Variants in CDPF1 observed in about 807,000 individuals in gnomAD.
The protein encoded by CDPF1 is cysteine-rich DPF motif domain-containing protein 1.
Under a neutral mutation model 8.3 loss-of-function variants are expected in CDPF1, and 8 were observed. That is an observed-to-expected ratio of 0.96 (90% CI 0.57 to 1.74). The LOEUF is 1.74. Among genes scored for constraint, CDPF1 ranks in the 40% most tolerant of loss-of-function variants. CDPF1 has a pLI of 0.00. For missense variants in CDPF1, 151 were observed against 155.3 expected (o/e 0.97, Z 0.15); for synonymous variants, 62 against 62.9 (o/e 0.99, Z 0.07).
rs1367522740 is a variant in CDPF1 at position 46,247,000 on chromosome 22, T to C, written c.225+110A>G. The C allele has an allele frequency of 8.0e-6, 10 of 1,242,530 alleles. No individual in the cohort carries two copies. The East Asian group carries it at 2.3e-4, about 29-fold the overall frequency. The allele number at this position is 1,242,530 out of a possible 1,614,324, so 77.0% of individuals were successfully genotyped here. ...CCTTCATCAGCTGAGGGGCCCCATCTATAATGGGGTGAACCCGCTGCTCCC... is the reference window on the plus strand; with the variant it reads ...CCTTCATCAGCTGAGGGGCCCCATCCATAATGGGGTGAACCCGCTGCTCCC... On this transcript the variant is annotated intron_variant, in intron 3 of 3. Coordinates refer to ENST00000314567, the MANE Select transcript of CDPF1 (RefSeq NM_207327.5). This position sits in a 1 kb window ranked among gnomAD's most constrained non-coding sequence, Gnocchi z 7.1.
chr22:46,244,894 G>A lies in CDPF1; in HGVS notation c.*198C>T, dbSNP rs1055890834. ...TGTGTCTTGTCTGGCATCTGCCTTT[G>A]GACTACCCTCTTGCTACAGCTCCCT... On this transcript the variant is annotated 3_prime_UTR_variant, in exon 4 of 4. Transcript: ENST00000314567. This position sits in a 1 kb window ranked among gnomAD's most constrained non-coding sequence, Gnocchi z 6.7. The A allele has an allele frequency of 1.6e-6, 1 of 639,308 alleles. No individual in the cohort carries two copies. The allele number at this position is 639,308 out of a possible 1,614,324, so 39.6% of individuals were successfully genotyped here.
chr22:46,245,438 C>T lies in CDPF1; in HGVS notation c.226-200G>A, dbSNP rs957811987. 3.9e-5 allele frequency among the ~76,000 whole-genome samples: 6 copies of T among 152,172 alleles called. No individual in the cohort carries two copies. The highest frequency in any genetic ancestry group is 1.2e-4 in the African/African-American group (5 of 41,450). On this transcript the variant is annotated intron_variant, in intron 3 of 3. Transcript: ENST00000314567. The surrounding 1 kb of genome is among the most constrained non-coding windows in gnomAD (Gnocchi z 6.9). ...CAGGGTGTCCAGGAGAAAAGCAATG[C>T]AGGCCTGGGCTACCCTGGGTGGGAA...
In CDPF1 at chr22:46,248,074, C is replaced by T; in HGVS notation, c.113+98G>A. 1 of 769,742 alleles carries T rather than the reference C, an allele frequency of 1.3e-6. No individual in the cohort carries two copies. Among genetic ancestry groups the T allele is most frequent in the Non-Finnish European group, 2.1e-6 (1 of 466,050 alleles). 47.7% of individuals were successfully genotyped at this position (769,742 alleles called of 1,614,324 possible). A position where few individuals can be genotyped will look rare whatever the true frequency, so the allele number is the denominator to read the frequency against. On this transcript the variant is annotated intron_variant, in intron 2 of 3. Transcript: ENST00000314567. The surrounding 1 kb of genome is among the most constrained non-coding windows in gnomAD (Gnocchi z 4.1). The stretch of plus-strand genomic sequence containing the variant: ...AGCCTGGCCAGGGTGGGGTCTAAAG[C>T]TCCACACCTGAGACAGTTGTCAGAC...
rs1434378315 is a variant in CDPF1, at chr22:46,248,945, G to A, written c.1-661C>T. Reference sequence around the variant, plus strand: ...GAGGCAGGAGAATGGCGTGAACCCAGGAGACGGAGCTTGCAGTGAGCCGAG... The same window carrying A: ...GAGGCAGGAGAATGGCGTGAACCCAAGAGACGGAGCTTGCAGTGAGCCGAG... On this transcript the variant is annotated intron_variant, in intron 1 of 3. Coordinates refer to ENST00000314567, the MANE Select transcript of CDPF1 (RefSeq NM_207327.5). The surrounding 1 kb of genome is among the most constrained non-coding windows in gnomAD (Gnocchi z 4.1). Among the ~76,000 whole-genome samples the A allele has an allele frequency of 6.6e-6, 1 of 152,196 alleles. No individual in the cohort carries two copies. The highest frequency in any genetic ancestry group is 1.5e-5 in the Non-Finnish European group (1 of 68,038).
rs774507032 is a variant in CDPF1 at position 46,247,111 on chromosome 22, G to C, written c.224C>G (p.Pro75Arg). 4 of 1,611,422 alleles carry C rather than the reference G, an allele frequency of 2.5e-6. No homozygotes were observed. The East Asian group carries it at 6.7e-5, about 27-fold the overall frequency. Residue 75 changes from proline (P) to arginine (R), a missense_variant and splice_region_variant, in exon 3 of 4, where the codon CCG (proline) becomes CGG (arginine). Transcript: ENST00000314567. This position sits in a 1 kb window ranked among gnomAD's most constrained non-coding sequence, Gnocchi z 4.3. ...CCCCAGCCCACGCTGCTTACCCACC[G>C]GGCCCACACACACCAGCCTGCTGCA... ...SLCSRLVCVG[P>R]ECSLFYSKRF...
At position 46,248,312 on chromosome 22, in the gene CDPF1, TGGGTCACA is replaced by T; in HGVS notation, c.1-36_1-29del. The T allele has an allele frequency of 2.8e-6, 4 of 1,454,226 alleles. No homozygotes were observed. The highest frequency in any genetic ancestry group is 3.8e-6 in the Non-Finnish European group (4 of 1,040,160). The allele number at this position is 1,454,226 out of a possible 1,614,324, so 90.1% of individuals were successfully genotyped here. A position where few individuals can be genotyped will look rare whatever the true frequency, so the allele number is the denominator to read the frequency against. On this transcript the variant is annotated intron_variant, in intron 1 of 3. Coordinates refer to ENST00000314567, the MANE Select transcript of CDPF1 (RefSeq NM_207327.5). The surrounding 1 kb of genome is among the most constrained non-coding windows in gnomAD (Gnocchi z 4.1). ...GCAAGATCAAGAGATGGGGTGTCCCTGGGTCACAGGCTTTCTCAGGAATCCTGCCCCTT... is the reference window on the plus strand; with the variant it reads ...GCAAGATCAAGAGATGGGGTGTCCCTGGCTTTCTCAGGAATCCTGCCCCTT...
Position 46,249,859 on chromosome 22 carries a change from C to T in CDPF1, c.-1+397G>A, listed in dbSNP as rs1365989909. 2.0e-5 allele frequency among the ~76,000 whole-genome samples: 3 copies of T among 152,146 alleles called. No individual in the cohort carries two copies. The highest frequency in any genetic ancestry group is 7.2e-5 in the African/African-American group (3 of 41,440). On this transcript the variant is annotated intron_variant, in intron 1 of 3. Transcript: ENST00000314567. The surrounding 1 kb of genome is among the most constrained non-coding windows in gnomAD (Gnocchi z 4.6). ...GACAGAGCGAGACTCTGTCTCAAAA[C>T]AAAAGTTACGATCGATCGCGGGTGT...
rs1033188860 is a variant in CDPF1 at position 46,245,621 on chromosome 22, C to A, written c.226-383G>T. Reference sequence around the variant, plus strand: ...AACAGTGGCCACCTGGTGCTGGGAGCGGCAGGGGACAGGAAGGACAGCCCC... The same window carrying A: ...AACAGTGGCCACCTGGTGCTGGGAGAGGCAGGGGACAGGAAGGACAGCCCC... On this transcript the variant is annotated intron_variant, in intron 3 of 3. Transcript: ENST00000314567. This position sits in a 1 kb window ranked among gnomAD's most constrained non-coding sequence, Gnocchi z 6.9. 1.3e-5 allele frequency among the ~76,000 whole-genome samples: 2 copies of A among 152,192 alleles called. No individual in the cohort carries two copies. The highest frequency in any genetic ancestry group is 2.9e-5 in the Non-Finnish European group (2 of 68,028).
chr22:46,249,759 G>C lies in CDPF1; in HGVS notation c.-1+497C>G, dbSNP rs1936548272. ...TGAGGTAGGAGAATCGCTTGAGCGG[G>C]GGGTTGGGGAGCGGGGGCTGGGGGG... On this transcript the variant is annotated intron_variant, in intron 1 of 3. Coordinates refer to ENST00000314567, the MANE Select transcript of CDPF1 (RefSeq NM_207327.5). The surrounding 1 kb of genome is among the most constrained non-coding windows in gnomAD (Gnocchi z 4.6). 6.6e-6 allele frequency among the ~76,000 whole-genome samples: 1 copy of C among 151,870 alleles called. No individual in the cohort carries two copies. The highest frequency in any genetic ancestry group is 2.4e-5 in the African/African-American group (1 of 41,378).
rs1315854738 is a variant in CDPF1, at chr22:46,246,777, G to A, written c.225+333C>T. 5 of 1,598,542 alleles carry A rather than the reference G, an allele frequency of 3.1e-6. No homozygotes were observed. The highest frequency in any genetic ancestry group is 4.3e-6 in the Non-Finnish European group (5 of 1,173,180). On this transcript the variant is annotated intron_variant, in intron 3 of 3. Coordinates refer to ENST00000314567, the MANE Select transcript of CDPF1 (RefSeq NM_207327.5). This position sits in a 1 kb window ranked among gnomAD's most constrained non-coding sequence, Gnocchi z 7.1. The stretch of plus-strand genomic sequence containing the variant: ...CATGAAAGGACAGTCCCTTCTCCTG[G>A]AGATCCCTCCAAGAACATCTAGAAA...
Position 46,247,887 on chromosome 22 carries a change from C to A in CDPF1, c.113+285G>T, listed in dbSNP as rs1268325163. ...TTAAGAAAGTGTCATGGCAAGGGTGCAGCCCCAAAGGGGGAGGCCACCACA... is the reference window on the plus strand; with the variant it reads ...TTAAGAAAGTGTCATGGCAAGGGTGAAGCCCCAAAGGGGGAGGCCACCACA... On this transcript the variant is annotated intron_variant, in intron 2 of 3. Coordinates refer to ENST00000314567, the MANE Select transcript of CDPF1 (RefSeq NM_207327.5). The surrounding 1 kb of genome is among the most constrained non-coding windows in gnomAD (Gnocchi z 4.3). Among the ~76,000 whole-genome samples, 1 of 152,224 alleles carries A rather than the reference C, an allele frequency of 6.6e-6. No homozygotes were observed. Among genetic ancestry groups the A allele is most frequent in the Non-Finnish European group, 1.5e-5 (1 of 68,036 alleles).
rs1448298378 is a variant in CDPF1, at chr22:46,249,351, T to C, written c.-1+905A>G. 6.6e-6 allele frequency among the ~76,000 whole-genome samples: 1 copy of C among 152,178 alleles called. No individual in the cohort carries two copies. Among genetic ancestry groups the C allele is most frequent in the Non-Finnish European group, 1.5e-5 (1 of 68,040 alleles). On this transcript the variant is annotated intron_variant, in intron 1 of 3. Coordinates refer to ENST00000314567, the MANE Select transcript of CDPF1 (RefSeq NM_207327.5). This position sits in a 1 kb window ranked among gnomAD's most constrained non-coding sequence, Gnocchi z 4.6. ...CCAGGAAGCATGGGTTACCAGTGAC[T>C]TTAAAAGTTAAGTCTGGCCCGGTGT...
chr22:46,246,616 C>G lies in CDPF1; in HGVS notation c.225+494G>C, dbSNP rs1276977090. On this transcript the variant is annotated intron_variant, in intron 3 of 3. Transcript: ENST00000314567. The surrounding 1 kb of genome is among the most constrained non-coding windows in gnomAD (Gnocchi z 7.1). ...CCCAGGTGAACCTGGCCCACCCAGC[C>G]TCTCTGAAGCTCAGTTCCCTCATCT... is the stretch of plus-strand genomic sequence containing the variant. 1 of 1,529,288 alleles carries G rather than the reference C, an allele frequency of 6.5e-7. No homozygotes were observed. Among genetic ancestry groups the G allele is most frequent in the East Asian group, 2.5e-5 (1 of 40,622 alleles). 94.7% of individuals were successfully genotyped at this position (1,529,288 alleles called of 1,614,324 possible).
In CDPF1 at chr22:46,248,600, T is replaced by G. The variant is rs1438675961; in HGVS notation, c.1-316A>C. 6.6e-6 allele frequency among the ~76,000 whole-genome samples: 1 copy of G among 152,202 alleles called. No individual in the cohort carries two copies. The highest frequency in any genetic ancestry group is 1.5e-5 in the Non-Finnish European group (1 of 68,034). On this transcript the variant is annotated intron_variant, in intron 1 of 3. Transcript: ENST00000314567. This position sits in a 1 kb window ranked among gnomAD's most constrained non-coding sequence, Gnocchi z 4.1. The stretch of plus-strand genomic sequence containing the variant: ...CGTTCCGGTCTCCTGCTCTGCCCCA[T>G]TCTTTACCACAAGCCCCCAGTGAAC...
Position 46,245,238 on chromosome 22 carries a change from C to A in CDPF1, c.226G>T (p.Glu76Ter), listed in dbSNP as rs868854572. Residue 76 changes from glutamate to a stop codon, truncating the protein, a stop_gained and splice_region_variant, in exon 4 of 4, where the codon GAA becomes TAA. Coordinates refer to ENST00000314567, the MANE Select transcript of CDPF1 (RefSeq NM_207327.5). LOFTEE classifies it low-confidence loss of function (END_TRUNC). The surrounding 1 kb of genome is among the most constrained non-coding windows in gnomAD (Gnocchi z 6.9). ...CTCTTGGAGTAGAATAAACTGCATT[C>A]CTTAAAGAAGTGGACAAGGATGGAG... Reference protein sequence around the residue: ...LCSRLVCVGPECSLFYSKRFC... With the variant: ...LCSRLVCVGP 13 of 1,613,830 alleles carry A rather than the reference C, an allele frequency of 8.1e-6. No individual in the cohort carries two copies. The highest frequency in any genetic ancestry group is 9.3e-6 in the Non-Finnish European group (11 of 1,179,836).
Position 46,246,802 on chromosome 22 carries a change from A to G in CDPF1, c.225+308T>C. 5.0e-6 allele frequency: 8 copies of G among 1,584,714 alleles called. No homozygotes were observed. Among genetic ancestry groups the G allele is most frequent in the Non-Finnish European group, 6.0e-6 (7 of 1,166,066 alleles). On this transcript the variant is annotated intron_variant, in intron 3 of 3. Transcript: ENST00000314567. The surrounding 1 kb of genome is among the most constrained non-coding windows in gnomAD (Gnocchi z 7.1). ...GAGATCCCTCCAAGAACATCTAGAA[A>G]GTAAGTCACCATCCTGGTGAGAGGG...
rs781558038 is a variant in CDPF1 at position 46,247,096 on chromosome 22, C to T, written c.225+14G>A. On this transcript the variant is annotated intron_variant, in intron 3 of 3. Coordinates refer to ENST00000314567, the MANE Select transcript of CDPF1 (RefSeq NM_207327.5). The surrounding 1 kb of genome is among the most constrained non-coding windows in gnomAD (Gnocchi z 4.3). ...AGCAAGGACAGGTGGCCCCAGCCCA[C>T]GCTGCTTACCCACCGGGCCCACACA... is the stretch of plus-strand genomic sequence containing the variant. The T allele has an allele frequency of 6.9e-6, 11 of 1,602,370 alleles. No individual in the cohort carries two copies. Among genetic ancestry groups the T allele is most frequent in the African/African-American group, 4.0e-5 (3 of 74,708 alleles).
rs558402381 is a variant in CDPF1, at chr22:46,247,581, A to AC, written c.114-361dup. On this transcript the variant is annotated intron_variant, in intron 2 of 3. Transcript: ENST00000314567. This position sits in a 1 kb window ranked among gnomAD's most constrained non-coding sequence, Gnocchi z 4.3. ...ACCTGAATACCCCAGGCCTCCCTACACCCCAAGCCACACCCTCACAGCCCC... is the reference window on the plus strand; with the variant it reads ...ACCTGAATACCCCAGGCCTCCCTACACCCCCAAGCCACACCCTCACAGCCCC... 1.5e-3 allele frequency among the ~76,000 whole-genome samples: 231 copies of AC among 151,594 alleles called. 10 individuals carry two copies. In the South Asian group the frequency reaches 0.046, roughly 30 times the overall value.
rs1601848472 is a variant in CDPF1 at position 46,248,917 on chromosome 22, T to G, written c.1-633A>C. Reference sequence around the variant, plus strand: ...GCCTATAGTCTCAGCTACATGGGAGTCTGAGGCAGGAGAATGGCGTGAACC... The same window carrying G: ...GCCTATAGTCTCAGCTACATGGGAGGCTGAGGCAGGAGAATGGCGTGAACC... On this transcript the variant is annotated intron_variant, in intron 1 of 3. Transcript: ENST00000314567. This position sits in a 1 kb window ranked among gnomAD's most constrained non-coding sequence, Gnocchi z 4.1. 2.0e-5 allele frequency among the ~76,000 whole-genome samples: 3 copies of G among 151,782 alleles called. No homozygotes were observed. In the South Asian group the frequency reaches 6.2e-4, roughly 32 times the overall value.
Sources: allele counts gnomAD v4.1 joint callset (sites outside exome capture counted in the v4.1 genomes callset), GRCh38; gene constraint gnomAD v4.1.1; non-coding constraint Gnocchi (gnomAD v3.1); transcripts MANE v1.5; gene names NCBI Gene and HGNC (gene_info 2026-07-23, HGNC 2026-07-21).